The following PARD3B variants were observed in gnomAD, a reference collection of about 807,000 sequenced individuals.
The protein encoded by PARD3B is par-3 family cell polarity regulator beta, also known as partitioning defective 3 homolog B.
PARD3B carries 103 observed loss-of-function variants against 130.2 expected under a neutral mutation model. The ratio of observed to expected loss-of-function variants is 0.79; its 90% CI spans 0.67 to 0.93. The LOEUF is 0.93. PARD3B is among the 40% of genes least tolerant of loss of function. The pLI, the probability that PARD3B is intolerant of heterozygous loss-of-function variation, is 0.00. For missense variants in PARD3B, 1,609 were observed against 1,499.2 expected (o/e 1.07, Z -1.21); for synonymous variants, 583 against 553.2 (o/e 1.05, Z -0.76).
chr2:204,758,119 C>T (rs545363003), intron 2 of PARD3B, among the ~76,000 whole-genome samples: 1 of 152,274 alleles, frequency 6.6e-6, no homozygotes, highest in East Asian at 1.9e-4. Flanking sequence ...TGGTTTTCCT[C>T]CATGTGGCAG....
intron 2 of PARD3B, among the ~76,000 whole-genome samples, chr2:204,730,594 A>AG (rs951107741): frequency 2.0e-5 from 3 of 151,886 alleles, no homozygotes; most frequent in Non-Finnish European, 4.4e-5. Flanking sequence ...AGAAAAAAAA[A>AG]AAAAGTAGTG....
At chr2:205,009,104 A>G (rs1196623845) in intron 3 of PARD3B, among the ~76,000 whole-genome samples, 1 of 152,202 alleles carries the variant, frequency 6.6e-6, no homozygotes, top group Non-Finnish European at 1.5e-5. Flanking sequence ...TTTATGCAAT[A>G]CCTTATTTTT....
At chr2:205,544,684 A>G (rs2052309699) in intron 21 of PARD3B, among the ~76,000 whole-genome samples, 1 of 152,338 alleles carries the variant, frequency 6.6e-6, no homozygotes, top group East Asian at 1.9e-4. Flanking sequence ...TGCTACCATA[A>G]GATTTCATGC....
At chr2:204,730,013 A>C (rs1411834842) in intron 2 of PARD3B, among the ~76,000 whole-genome samples, 2 of 151,124 alleles carry the variant, frequency 1.3e-5, no homozygotes, top group African/African-American at 4.9e-5. Flanking sequence ...ACACACACAC[A>C]CACACACACA....
At chr2:204,598,234 T>A (rs563583051) in intron 1 of PARD3B, among the ~76,000 whole-genome samples, 7 of 152,244 alleles carry the variant, frequency 4.6e-5, no homozygotes, top group Admixed American at 3.9e-4. Flanking sequence ...TTTGTGAATT[T>A]AAAAAAAGCA....
intron 2 of PARD3B, among the ~76,000 whole-genome samples, chr2:204,809,524 G>C (rs1164028522): frequency 2.0e-5 from 3 of 149,854 alleles, no homozygotes; most frequent in Non-Finnish European, 4.5e-5. Context: ...ACCGTTTATT[G>C]AACATTGTCA....
At chr2:204,928,902 C>G (rs1687828185) in intron 2 of PARD3B, among the ~76,000 whole-genome samples, 1 of 152,086 alleles carries the variant, frequency 6.6e-6, no homozygotes. Context: ...GCCTTCCACC[C>G]ATGGACAGTA....
Position 205,550,130 on chromosome 2 carries a change from C to A in PARD3B, c.3181-3194C>A, listed in dbSNP as rs2052553501. Among the ~76,000 whole-genome samples, 1 of 152,148 alleles carries A rather than the reference C, an allele frequency of 6.6e-6. No individual in the cohort carries two copies. The highest frequency in any genetic ancestry group is 2.4e-5 in the African/African-American group (1 of 41,438). On this transcript the variant is annotated intron_variant, in intron 21 of 22. Coordinates refer to ENST00000406610, the MANE Select transcript of PARD3B (RefSeq NM_001302769.2). The surrounding 1 kb of genome is among the most constrained non-coding windows in gnomAD (Gnocchi z 4.5). The stretch of plus-strand genomic sequence containing the variant: ...GCCTCCATGGTTTTTCACTTTTGTG[C>A]TCTTTACTTGAATGGCTTATCCTAC...
In PARD3B at chr2:205,585,674, A is replaced by C. The variant is rs536420992; in HGVS notation, c.3261-29782A>C. 5.0e-4 allele frequency among the ~76,000 whole-genome samples: 76 copies of C among 152,330 alleles called. No homozygotes were observed. The highest frequency in any genetic ancestry group is 1.7e-3 in the African/African-American group (72 of 41,578). ...TTCACTTACACAGATTTCAATGTCC[A>C]AAGGAAATGTGGGGGACACTTAGGC... is the stretch of plus-strand genomic sequence containing the variant. On this transcript the variant is annotated intron_variant, in intron 22 of 22. Transcript: ENST00000406610. This position sits in a 1 kb window ranked among gnomAD's most constrained non-coding sequence, Gnocchi z 5.4.
intron 10 of PARD3B, among the ~76,000 whole-genome samples, chr2:205,143,121 T>G (rs1025264327): frequency 3.9e-5 from 6 of 152,198 alleles, no homozygotes; most frequent in Non-Finnish European, 7.3e-5. Flanking sequence ...ACCCCTTCAT[T>G]GTGAAATTTC....
At chr2:205,082,059 C>A (rs531394205) in intron 4 of PARD3B, among the ~76,000 whole-genome samples, 38 of 152,020 alleles carry the variant, frequency 2.5e-4, no homozygotes, top group Non-Finnish European at 4.0e-4. Flanking sequence ...GCTATAGAGC[C>A]CTTTAAGTTC....
At chr2:205,157,027 CTT>C (rs1420474548) in intron 10 of PARD3B, among the ~76,000 whole-genome samples, 1 of 152,184 alleles carries the variant, frequency 6.6e-6, no homozygotes, top group Non-Finnish European at 1.5e-5. Flanking sequence ...GTTCTTGTCT[CTT>C]TGTCTCTGAT....
intron 2 of PARD3B, among the ~76,000 whole-genome samples, chr2:204,706,488 A>G (rs763716110): frequency 6.6e-5 from 10 of 152,094 alleles, no homozygotes; most frequent in Non-Finnish European, 1.5e-4. Context: ...ATAGAAGAAG[A>G]CTCCAGAAAA....
chr2:205,438,386 CA>C (rs1322204260), intron 19 of PARD3B, among the ~76,000 whole-genome samples: 2 of 152,188 alleles, frequency 1.3e-5, no homozygotes, highest in Non-Finnish European at 2.9e-5. Flanking sequence ...TTAATGCACA[CA>C]AGTATTGCCC....
chr2:204,803,221 A>C (rs1424422388), intron 2 of PARD3B, among the ~76,000 whole-genome samples: 1 of 150,070 alleles, frequency 6.7e-6, no homozygotes, highest in Non-Finnish European at 1.5e-5. Context: ...TCCTTCAAAC[A>C]TGAAGGAGAA....
At chr2:204,884,660 C>T (rs1418603124) in intron 2 of PARD3B, among the ~76,000 whole-genome samples, 6 of 152,106 alleles carry the variant, frequency 3.9e-5, no homozygotes, top group Non-Finnish European at 1.5e-5. Flanking sequence ...TCTATGCATC[C>T]ATGTGTTCTC....
At chr2:205,178,215 C>G (rs2035587013) in intron 13 of PARD3B, among the ~76,000 whole-genome samples, 1 of 80,022 alleles carries the variant, frequency 1.2e-5, no homozygotes, top group African/African-American at 4.5e-5. Flanking sequence ...GTAATCCCAG[C>G]TACTATGGGG....
At chr2:204,915,706 G>T (rs542789009) in intron 2 of PARD3B, among the ~76,000 whole-genome samples, 1 of 152,182 alleles carries the variant, frequency 6.6e-6, no homozygotes, top group African/African-American at 2.4e-5. Flanking sequence ...ACAATATTTA[G>T]GGCTTCCACA....
Position 204,860,575 on chromosome 2 carries a change from A to G in PARD3B, c.223-104577A>G, listed in dbSNP as rs376333006. 6.6e-5 allele frequency among the ~76,000 whole-genome samples: 10 copies of G among 152,352 alleles called. No individual in the cohort carries two copies. In the South Asian group the frequency reaches 1.7e-3, roughly 25 times the overall value. ...GCTTGTATACAGAAAACGTTTTGGC[A>G]GAATGGAGACTGGTAAAAGATATTC... On this transcript the variant is annotated intron_variant, in intron 2 of 22. Transcript: ENST00000406610.
Sources: gnomAD v4.1 joint callset for allele counts (sites outside exome capture counted in the v4.1 genomes callset) on GRCh38, gnomAD v4.1.1 for gene constraint, Gnocchi (gnomAD v3.1) non-coding constraint, MANE v1.5 for transcripts, NCBI Gene and HGNC (gene_info 2026-07-23, HGNC 2026-07-21) for gene names.